Variants in TMOD1 observed in about 807,000 individuals in gnomAD.
The protein encoded by TMOD1 is tropomodulin-1.
In TMOD1, 17 loss-of-function variants were observed where a neutral mutation model predicts 40.6. That is an observed-to-expected ratio of 0.42 (90% CI 0.29 to 0.63). The LOEUF (loss-of-function observed/expected upper bound fraction) is 0.63. TMOD1 is among the 20% of genes least tolerant of loss of function. The probability of loss-of-function intolerance (pLI) is 0.22; values close to 1 mark genes in which losing one functional copy is unlikely to be tolerated. For synonymous variants in TMOD1, 181 were observed against 175.0 expected, an observed-to-expected ratio of 1.03 and a Z score of -0.27; for missense variants, 391 against 447.6, an observed-to-expected ratio of 0.87 and a Z score of 1.14.
At chr9:97,591,788 G>A (rs751573720) in intron 9 of TMOD1, among the ~76,000 whole-genome samples, 1 of 152,088 alleles carries the variant, frequency 6.6e-6, no homozygotes, top group Middle Eastern at 3.2e-3. Flanking sequence ...AACTCATAGC[G>A]TCCTCTCCAG....
chr9:97,599,614 T>TTATC lies in TMOD1; in HGVS notation c.1016-18_1016-15dup, dbSNP rs1269946638. 1.9e-6 allele frequency: 3 copies of TTATC among 1,614,098 alleles called. No homozygotes were observed. Among genetic ancestry groups the TTATC allele is most frequent in the East Asian group, 2.2e-5 (1 of 44,882 alleles). On this transcript the variant is annotated intron_variant, in intron 9 of 9. Coordinates refer to ENST00000259365, the MANE Select transcript of TMOD1 (RefSeq NM_003275.4). ...TCTACAGGGAAAAGTGCCTTATATC[T>TTATC]TATCTCCATTCCTTTCCAGTGAGGA...
chr9:97,567,928 T>A (rs1048398719), intron 7 of TMOD1, among the ~76,000 whole-genome samples: 5 of 152,200 alleles, frequency 3.3e-5, no homozygotes, highest in African/African-American at 9.7e-5. Context: ...TCCTATCAGC[T>A]GCTGGTGTCT....
intron 9 of TMOD1, among the ~76,000 whole-genome samples, chr9:97,592,472 A>G (rs1482329289): frequency 6.6e-6 from 1 of 152,202 alleles, no homozygotes; most frequent in East Asian, 1.9e-4. Flanking sequence ...TACATTGTGA[A>G]ATGAACTTGT....
intron 8 of TMOD1, among the ~76,000 whole-genome samples, chr9:97,586,360 G>A (rs1409208702): frequency 2.0e-5 from 3 of 151,810 alleles, no homozygotes. Flanking sequence ...CAGTCTGCCC[G>A]TTCTCAGATC....
Position 97,564,174 on chromosome 9 carries a change from G to A in TMOD1, c.618+6G>A. On this transcript the variant is annotated splice_donor_region_variant and intron_variant, in intron 6 of 9. Transcript: ENST00000259365. ...TTAACCTCAATAATATCCGGGTAAG[G>A]TCCATTTATTTCACTTTACCTGTGT... 1.3e-6 allele frequency: 2 copies of A among 1,585,028 alleles called. No individual in the cohort carries two copies. The highest frequency in any genetic ancestry group is 2.3e-5 in the South Asian group (2 of 87,410).
chr9:97,518,403 C>G (rs1358819282), intron 1 of TMOD1, among the ~76,000 whole-genome samples: 1 of 152,274 alleles, frequency 6.6e-6, no homozygotes. Flanking sequence ...TGACTTCTGC[C>G]TCCAGAACTG....
Position 97,601,035 on chromosome 9 carries a change from C to T in TMOD1, c.*1337C>T, listed in dbSNP as rs73552531. 7.8e-3 allele frequency: 10,201 copies of T among 1,301,144 alleles called. 672 individuals are homozygous for T. The African/African-American group carries it at 0.14, about 18-fold the overall frequency. 80.6% of individuals were successfully genotyped at this position (1,301,144 alleles called of 1,614,324 possible). ...CTGGTGATGAAAAGGTGAAGGCCTGCGCACTGAACTGTAAGGCAGTGGGCA... is the reference window on the plus strand; with the variant it reads ...CTGGTGATGAAAAGGTGAAGGCCTGTGCACTGAACTGTAAGGCAGTGGGCA... On this transcript the variant is annotated 3_prime_UTR_variant, in exon 10 of 10. Transcript: ENST00000259365.
intron 8 of TMOD1, among the ~76,000 whole-genome samples, chr9:97,588,117 G>A (rs1005172922): frequency 1.3e-5 from 2 of 152,212 alleles, no homozygotes; most frequent in African/African-American, 4.8e-5. Context: ...CCACCCAAGA[G>A]TGGAATTGCT....
intron 1 of TMOD1, among the ~76,000 whole-genome samples, chr9:97,522,035 C>T (rs528005041): frequency 2.0e-5 from 3 of 152,150 alleles, no homozygotes; most frequent in East Asian, 3.8e-4. Flanking sequence ...AGATGAGCCA[C>T]GGGTGGGTTG....
At chr9:97,524,522 A>ATGTG (rs1393802450) in intron 2 of TMOD1, among the ~76,000 whole-genome samples, 13 of 148,882 alleles carry the variant, frequency 8.7e-5, no homozygotes, top group Non-Finnish European at 1.3e-4. Flanking sequence ...GTGTGTGTGT[A>ATGTG]TGTGTGTGTG....
intron 3 of TMOD1, among the ~76,000 whole-genome samples, chr9:97,548,176 A>G (rs1830393988): frequency 6.6e-6 from 1 of 152,168 alleles, no homozygotes. Flanking sequence ...CACCCCTAAG[A>G]ATGCAAGCAT....
chr9:97,577,513 G>A (rs1365160306), intron 8 of TMOD1, among the ~76,000 whole-genome samples: 1 of 152,164 alleles, frequency 6.6e-6, no homozygotes, highest in East Asian at 1.9e-4. Context: ...ATGAGGATGG[G>A]CATAGTGGCT....
chr9:97,523,029 G>T (rs189567067), intron 1 of TMOD1, among the ~76,000 whole-genome samples: 2 of 152,140 alleles, frequency 1.3e-5, no homozygotes, highest in African/African-American at 4.8e-5. Flanking sequence ...TGATGTCAGG[G>T]GTCCTGAGTC....
Position 97,502,227 on chromosome 9 carries a change from G to C in TMOD1, c.-49+424G>C, listed in dbSNP as rs2131199389. On this transcript the variant is annotated intron_variant, in intron 1 of 9. Coordinates refer to ENST00000259365, the MANE Select transcript of TMOD1 (RefSeq NM_003275.4). This position sits in a 1 kb window ranked among gnomAD's most constrained non-coding sequence, Gnocchi z 6.1. ...GCTCAGCTGGGTACAGGTGCCAGCC[G>C]GAGCTGGGCTCGGGGGCGCGGCCTC... Among the ~76,000 whole-genome samples, 1 of 152,300 alleles carries C rather than the reference G, an allele frequency of 6.6e-6. No individual in the cohort carries two copies. The highest frequency in any genetic ancestry group is 1.5e-5 in the Non-Finnish European group (1 of 68,018).
At chr9:97,552,841 GATA>G (rs1381344461) in intron 3 of TMOD1, among the ~76,000 whole-genome samples, 1 of 152,160 alleles carries the variant, frequency 6.6e-6, no homozygotes, top group African/African-American at 2.4e-5. Flanking sequence ...TTAAAAATAT[GATA>G]ATGAGGCAAG....
chr9:97,589,559 G>C lies in TMOD1; in HGVS notation c.871-1732G>C, dbSNP rs546352771. 1.1e-3 allele frequency among the ~76,000 whole-genome samples: 171 copies of C among 152,082 alleles called. 1 individual carries two copies. Among genetic ancestry groups the C allele is most frequent in the Non-Finnish European group, 1.3e-3 (85 of 67,974 alleles). Reference sequence around the variant, plus strand: ...CTCCCAAAGTGCTGGGATTACAGGCGTGAGCCACTGTGCCCGGCCGGAACT... The same window carrying C: ...CTCCCAAAGTGCTGGGATTACAGGCCTGAGCCACTGTGCCCGGCCGGAACT... On this transcript the variant is annotated intron_variant, in intron 8 of 9. Transcript: ENST00000259365.
chr9:97,503,217 T>A (rs892011660), intron 1 of TMOD1, among the ~76,000 whole-genome samples: 1 of 152,108 alleles, frequency 6.6e-6, no homozygotes, highest in Non-Finnish European at 1.5e-5. Context: ...TTCTGCAGTC[T>A]CCCAGCCTTT....
At chr9:97,565,980 A>G in intron 7 of TMOD1, 25 bp downstream of exon 7, 1 of 1,601,750 alleles carries the variant, frequency 6.2e-7, no homozygotes, top group Non-Finnish European at 8.6e-7. Context: ...GTTCTGTTGC[A>G]TTGTGGCTGG....
chr9:97,578,257 G>C (rs1825656118), intron 8 of TMOD1, among the ~76,000 whole-genome samples: 1 of 152,184 alleles, frequency 6.6e-6, no homozygotes, highest in Non-Finnish European at 1.5e-5. Context: ...GGTTTACCAT[G>C]TTGGCCAGGA....
Sources: gnomAD v4.1 joint callset for allele counts (sites outside exome capture counted in the v4.1 genomes callset) on GRCh38, gnomAD v4.1.1 for gene constraint, Gnocchi (gnomAD v3.1) non-coding constraint, MANE v1.5 for transcripts, NCBI Gene and HGNC (gene_info 2026-07-23, HGNC 2026-07-21) for gene names.